Variants in HIPK2 observed in about 807,000 individuals in gnomAD.
HIPK2 encodes homeodomain interacting protein kinase 2, also known as homeodomain-interacting protein kinase 2.
HIPK2 carries 27 observed loss-of-function variants against 113.7 expected under a neutral mutation model. The ratio of observed to expected loss-of-function variants is 0.24; its 90% confidence interval spans 0.17 to 0.33. The LOEUF is 0.33. Ranked by LOEUF, HIPK2 falls within the 10% of genes least tolerant of loss-of-function variation. The probability of loss-of-function intolerance (pLI) is 1.00; values close to 1 mark genes in which losing one functional copy is unlikely to be tolerated. For missense variants in HIPK2, 1,257 were observed against 1,588.0 expected (o/e 0.79, Z 3.54); for synonymous variants, 631 against 642.2 (o/e 0.98, Z 0.26).
chr7:139,743,542 G>A (rs948256919), intron 1 of HIPK2, among the ~76,000 whole-genome samples: 1 of 152,186 alleles, frequency 6.6e-6, no homozygotes, highest in African/African-American at 2.4e-5. Flanking sequence ...CAGGACAGAG[G>A]ACTCCATGCA....
At chr7:139,600,660 G>C in intron 10 of HIPK2, 64 bp from the exon 11 acceptor site, 1 of 1,543,528 alleles carries the variant, frequency 6.5e-7, no homozygotes, top group Non-Finnish European at 8.8e-7. Context: ...TCCTCTATAA[G>C]ATCAAGCTTC....
intron 2 of HIPK2, among the ~76,000 whole-genome samples, chr7:139,669,553 T>C (rs1261397969): frequency 6.6e-6 from 1 of 150,698 alleles, no homozygotes; most frequent in East Asian, 2.0e-4. Flanking sequence ...GGATGGTATC[T>C]GGCAAATAGA....
rs1799051472 is a variant in HIPK2, at chr7:139,592,212, T to C, written c.2717+4505A>G. Among the ~76,000 whole-genome samples, 4 of 152,222 alleles carry C rather than the reference T, an allele frequency of 2.6e-5. No homozygotes were observed. In the South Asian group the frequency reaches 6.2e-4, roughly 24 times the overall value. On this transcript the variant is annotated intron_variant, in intron 12 of 14. Transcript: ENST00000406875. Reference sequence around the variant, plus strand: ...TAAAATACTGAATGATATTTATGAATCAATTTTCTTAAAGTTTTCATTTTT... The same window carrying C: ...TAAAATACTGAATGATATTTATGAACCAATTTTCTTAAAGTTTTCATTTTT...
intron 2 of HIPK2, among the ~76,000 whole-genome samples, chr7:139,650,150 G>T (rs922071571): frequency 6.6e-6 from 1 of 152,096 alleles, no homozygotes; most frequent in African/African-American, 2.4e-5. Flanking sequence ...AGGAGATCAA[G>T]ACCAGCCTGG....
rs527954499 is a variant in HIPK2 at position 139,573,368 on chromosome 7, A to C, written c.3156T>G (p.Thr1052=). ...AGGCCTGCTGCCTTCGGTGGCTCCC[A>C]GTGCGGTCCGTGGTGATGTGCTGCT... is the stretch of plus-strand genomic sequence containing the variant. The part of the protein sequence containing the change: ...QAQQHITTDR[T]GSHRRQQAYI... The change falls in exon 15 of 15, where the codon ACT becomes ACG. Residue 1052 remains threonine (T), a synonymous_variant. Coordinates refer to ENST00000406875, the MANE Select transcript of HIPK2 (RefSeq NM_022740.5). The C allele has an allele frequency of 3.1e-6, 5 of 1,604,480 alleles. No homozygotes were observed. In the South Asian group the frequency reaches 4.4e-5, roughly 14 times the overall value.
chr7:139,639,500 C>T (rs908418729), intron 2 of HIPK2, among the ~76,000 whole-genome samples: 6 of 152,156 alleles, frequency 3.9e-5, no homozygotes, highest in South Asian at 2.1e-4. Flanking sequence ...AGGAGTTCAC[C>T]GTCTAGCCAA....
chr7:139,660,694 C>G (rs1569467359), intron 2 of HIPK2, among the ~76,000 whole-genome samples: 1 of 152,204 alleles, frequency 6.6e-6, no homozygotes, highest in Non-Finnish European at 1.5e-5. Context: ...ATTCACAGTC[C>G]TTGAGGCTAG....
intron 1 of HIPK2, among the ~76,000 whole-genome samples, chr7:139,748,958 G>C (rs1796236257): frequency 6.6e-6 from 1 of 152,166 alleles, no homozygotes; most frequent in Non-Finnish European, 1.5e-5. Flanking sequence ...ACCACATGAG[G>C]CTATTTCCAT....
chr7:139,638,170 G>A (rs976620914), intron 2 of HIPK2, among the ~76,000 whole-genome samples: 7 of 152,124 alleles, frequency 4.6e-5, no homozygotes, highest in Admixed American at 1.3e-4. Flanking sequence ...TGCAGCATGC[G>A]AAATCACATG....
At chr7:139,776,161 C>T (rs770890115) in intron 1 of HIPK2, among the ~76,000 whole-genome samples, 1 of 152,128 alleles carries the variant, frequency 6.6e-6, no homozygotes, top group East Asian at 1.9e-4. Flanking sequence ...GTGGAGTGAT[C>T]AGAAATTTCG....
At chr7:139,739,964 T>C (rs533654473) in intron 1 of HIPK2, among the ~76,000 whole-genome samples, 53 of 152,346 alleles carry the variant, frequency 3.5e-4, no homozygotes, top group Non-Finnish European at 5.7e-4. Flanking sequence ...TGTCAGCTTA[T>C]GGACATTTGG....
chr7:139,582,489 C>T (rs775410854), intron 13 of HIPK2, among the ~76,000 whole-genome samples: 3 of 152,224 alleles, frequency 2.0e-5, no homozygotes, highest in Non-Finnish European at 2.9e-5. Context: ...GAGGCTGCAT[C>T]GTCATGACGG....
At chr7:139,578,185 T>G (rs1349180880) in intron 13 of HIPK2, among the ~76,000 whole-genome samples, 1 of 152,176 alleles carries the variant, frequency 6.6e-6, no homozygotes, top group Non-Finnish European at 1.5e-5. Flanking sequence ...AATTTTTGTA[T>G]TTTTAGTAGA....
chr7:139,764,643 T>C (rs1472360233), intron 1 of HIPK2, among the ~76,000 whole-genome samples: 1 of 152,010 alleles, frequency 6.6e-6, no homozygotes, highest in Non-Finnish European at 1.5e-5. Flanking sequence ...ACTCTGGAGC[T>C]GAAAAAAGAA....
At chr7:139,731,341 T>A (rs554626664) in intron 1 of HIPK2, among the ~76,000 whole-genome samples, 2 of 152,344 alleles carry the variant, frequency 1.3e-5, no homozygotes, top group South Asian at 4.1e-4. Context: ...ACTATACACC[T>A]CCTCTCCTTA....
chr7:139,593,433 T>C (rs1799092689), intron 12 of HIPK2, among the ~76,000 whole-genome samples: 1 of 152,234 alleles, frequency 6.6e-6, no homozygotes, highest in South Asian at 2.1e-4. Flanking sequence ...GTGGAGCTGC[T>C]GGCCAGCCAT....
intron 2 of HIPK2, among the ~76,000 whole-genome samples, chr7:139,658,784 C>G (rs1405519820): frequency 5.3e-5 from 8 of 152,170 alleles, no homozygotes; most frequent in Non-Finnish European, 8.8e-5. Context: ...CAGGCAAAAC[C>G]CCAGGTTGCT....
chr7:139,645,100 T>G (rs1801161350), intron 2 of HIPK2, among the ~76,000 whole-genome samples: 1 of 152,240 alleles, frequency 6.6e-6, no homozygotes, highest in South Asian at 2.1e-4. Flanking sequence ...AGAAACACGA[T>G]GCTTTCCTTT....
intron 9 of HIPK2, among the ~76,000 whole-genome samples, chr7:139,610,714 C>A (rs2116761912): frequency 6.6e-6 from 1 of 152,296 alleles, no homozygotes; most frequent in South Asian, 2.1e-4. Flanking sequence ...AATAATGTAA[C>A]CACAGCAGTC....
Sources: allele counts gnomAD v4.1 joint callset (sites outside exome capture counted in the v4.1 genomes callset), GRCh38; gene constraint gnomAD v4.1.1; transcripts MANE v1.5; gene names NCBI Gene and HGNC (gene_info 2026-07-23, HGNC 2026-07-21).